CNTNAP2: variants seen among roughly 807,000 people sequenced by gnomAD.
CNTNAP2 encodes contactin-associated protein-like 2.
A neutral mutation model predicts 155.2 loss-of-function variants in CNTNAP2; 98 were observed. The observed-to-expected ratio is 0.63, with a 90% confidence interval of 0.54 to 0.75. The LOEUF (loss-of-function observed/expected upper bound fraction) is 0.75, where lower values mean the gene tolerates loss of function less well. Among genes scored for constraint, CNTNAP2 ranks in the 30% least tolerant of loss-of-function variants. The pLI, the probability that CNTNAP2 is intolerant of heterozygous loss-of-function variation, is 0.00. For missense variants in CNTNAP2, 1,727 were observed against 1,688.1 expected, an observed-to-expected ratio of 1.02 and a Z score of -0.40; for synonymous variants, 651 against 631.2, an observed-to-expected ratio of 1.03 and a Z score of -0.47.
intron 23 of CNTNAP2, among the ~76,000 whole-genome samples, chr7:148,411,792 AAAAACTAT>A (rs1276608770): frequency 1.3e-5 from 2 of 151,604 alleles, no homozygotes; most frequent in Non-Finnish European, 2.9e-5. Flanking sequence ...TTGAAAAAAA[AAAAACTAT>A]ACTTTTCCTC....
At chr7:146,870,656 T>TA in intron 3 of CNTNAP2, among the ~76,000 whole-genome samples, 1 of 152,312 alleles carries the variant, frequency 6.6e-6, no homozygotes. Context: ...CAAACTAACT[T>TA]AAAGATACTA....
chr7:147,508,151 G>T (rs1798946583), intron 11 of CNTNAP2, among the ~76,000 whole-genome samples: 1 of 152,136 alleles, frequency 6.6e-6, no homozygotes, highest in African/African-American at 2.4e-5. Context: ...ACAGTGACCA[G>T]CACATAGTAG....
chr7:147,033,174 A>ATATATATATATATG (rs1799073399), intron 3 of CNTNAP2, among the ~76,000 whole-genome samples: 2 of 47,512 alleles, frequency 4.2e-5, no homozygotes, highest in African/African-American at 1.6e-4. Context: ...ATATATATAT[A>ATATATATATATATG]TATATATATA....
chr7:147,990,238 T>C (rs1475045267), intron 15 of CNTNAP2, among the ~76,000 whole-genome samples: 10 of 152,090 alleles, frequency 6.6e-5, no homozygotes, highest in African/African-American at 2.4e-4. Context: ...TTGCATGTCC[T>C]CTCCCTGTGA....
At chr7:147,358,750 A>G (rs978970221) in intron 9 of CNTNAP2, among the ~76,000 whole-genome samples, 1 of 152,108 alleles carries the variant, frequency 6.6e-6, no homozygotes, top group African/African-American at 2.4e-5. Flanking sequence ...CTATGTAGTT[A>G]TTATAATAAT....
At chr7:146,583,052 A>C (rs1420454417) in intron 1 of CNTNAP2, among the ~76,000 whole-genome samples, 1 of 152,038 alleles carries the variant, frequency 6.6e-6, no homozygotes, top group Non-Finnish European at 1.5e-5. Context: ...AGTATGTTGC[A>C]GAAATGCGTT....
chr7:146,744,183 G>A (rs115233050), intron 1 of CNTNAP2, among the ~76,000 whole-genome samples: 1,483 of 127,036 alleles, frequency 0.012, 22 homozygotes, highest in African/African-American at 0.043. Context: ...AACAGAGATC[G>A]CACTATTGCA....
At chr7:147,284,407 G>A (rs939765968) in intron 8 of CNTNAP2, among the ~76,000 whole-genome samples, 8 of 151,576 alleles carry the variant, frequency 5.3e-5, no homozygotes, top group African/African-American at 1.5e-4. Flanking sequence ...TATATCACAC[G>A]GCTCTCCTGT....
chr7:147,080,584 CTA>C (rs1289886698), intron 4 of CNTNAP2, among the ~76,000 whole-genome samples: 1 of 150,150 alleles, frequency 6.7e-6, no homozygotes, highest in African/African-American at 2.4e-5. Context: ...AACTAAAATC[CTA>C]TGTTTTCTGT....
chr7:147,329,818 T>C (rs1332657966), intron 9 of CNTNAP2, among the ~76,000 whole-genome samples: 7 of 152,286 alleles, frequency 4.6e-5, no homozygotes, highest in Non-Finnish European at 7.3e-5. Context: ...GTTAGGTCCT[T>C]TGTCACGGTG....
intron 8 of CNTNAP2, among the ~76,000 whole-genome samples, chr7:147,206,526 G>A (rs1803027491): frequency 6.6e-6 from 1 of 152,078 alleles, no homozygotes; most frequent in Admixed American, 6.6e-5. Context: ...TCGTGACACT[G>A]CACTCCAGCC....
At chr7:148,338,436 G>A (rs1455947374) in intron 21 of CNTNAP2, among the ~76,000 whole-genome samples, 4 of 152,126 alleles carry the variant, frequency 2.6e-5, no homozygotes, top group South Asian at 2.1e-4. Context: ...TCAAGTTACA[G>A]CTTCCTAATT....
At chr7:147,782,377 C>A (rs1430881118) in intron 13 of CNTNAP2, among the ~76,000 whole-genome samples, 1 of 152,120 alleles carries the variant, frequency 6.6e-6, no homozygotes, top group Non-Finnish European at 1.5e-5. Context: ...TGTCTTAGTC[C>A]ATTAGGGCTG....
At chr7:147,099,078 C>T (rs1800604629) in intron 4 of CNTNAP2, among the ~76,000 whole-genome samples, 1 of 151,968 alleles carries the variant, frequency 6.6e-6, no homozygotes, top group African/African-American at 2.4e-5. Context: ...ATTGTAGTTT[C>T]CATGGGAAGG....
intron 22 of CNTNAP2, among the ~76,000 whole-genome samples, chr7:148,396,825 A>G (rs1363151933): frequency 6.6e-6 from 1 of 152,232 alleles, no homozygotes; most frequent in Non-Finnish European, 1.5e-5. Flanking sequence ...AAGACTTTTA[A>G]AAAATTAAAA....
intron 13 of CNTNAP2, among the ~76,000 whole-genome samples, chr7:147,744,267 C>A (rs1797001711): frequency 6.6e-6 from 1 of 152,134 alleles, no homozygotes; most frequent in South Asian, 2.1e-4. Context: ...TATGAGCCAT[C>A]TGCCCCTTTT....
chr7:146,718,682 A>G (rs1392562264), intron 1 of CNTNAP2, among the ~76,000 whole-genome samples: 1 of 152,146 alleles, frequency 6.6e-6, no homozygotes, highest in African/African-American at 2.4e-5. Context: ...ATAAGGACAG[A>G]TGGTTCTCTC....
chr7:147,632,438 C>T (rs538618421), intron 12 of CNTNAP2, among the ~76,000 whole-genome samples: 25 of 152,090 alleles, frequency 1.6e-4, no homozygotes, highest in Non-Finnish European at 2.9e-4. Context: ...TTAGTTCTCA[C>T]GAGATCTGAT....
chr7:148,411,998 C>T (rs1799852973), intron 23 of CNTNAP2, among the ~76,000 whole-genome samples: 1 of 151,978 alleles, frequency 6.6e-6, no homozygotes, highest in Non-Finnish European at 1.5e-5. Context: ...GGCTGGAGTA[C>T]AGTGGCGCGA....
Sources: gnomAD v4.1 joint callset for allele counts (sites outside exome capture counted in the v4.1 genomes callset) on GRCh38, gnomAD v4.1.1 for gene constraint, MANE v1.5 for transcripts, NCBI Gene and HGNC (gene_info 2026-07-23, HGNC 2026-07-21) for gene names.